The following PELI2 variants were observed in gnomAD, a reference collection of about 807,000 sequenced individuals.
PELI2 encodes E3 ubiquitin-protein ligase pellino homolog 2.
In PELI2, 23 loss-of-function variants were observed where a neutral mutation model predicts 42.3. The ratio of observed to expected loss-of-function variants is 0.54; its 90% CI spans 0.39 to 0.77. PELI2 has a LOEUF of 0.77. Among genes scored for constraint, PELI2 ranks in the 30% least tolerant of loss-of-function variants. The probability of loss-of-function intolerance (pLI) is 0.00; values close to 1 mark genes in which losing one functional copy is unlikely to be tolerated. For synonymous variants in PELI2, 245 were observed against 212.2 expected (o/e 1.15, Z -1.34); for missense variants, 463 against 553.2 (o/e 0.84, Z 1.64).
intron 1 of PELI2, among the ~76,000 whole-genome samples, chr14:56,171,093 G>C (rs3783659): frequency 0.071 from 10,800 of 152,154 alleles, 520 homozygotes; most frequent in East Asian, 0.24. Flanking sequence ...GCAGAATTTT[G>C]TCTTTATGAC....
chr14:56,129,418 T>A (rs555806223), intron 1 of PELI2, among the ~76,000 whole-genome samples: 47 of 152,350 alleles, frequency 3.1e-4, no homozygotes, highest in South Asian at 8.3e-4. Flanking sequence ...GGTTTGATTT[T>A]GAAACTTGTG....
intron 2 of PELI2, among the ~76,000 whole-genome samples, chr14:56,237,680 C>G (rs894672484): frequency 6.7e-6 from 1 of 150,166 alleles, no homozygotes; most frequent in African/African-American, 2.5e-5. Context: ...TTATTTCCCT[C>G]TATTTGATAT....
At position 56,118,414 on chromosome 14, in the gene PELI2, A is replaced by T. The variant is rs541127490; in HGVS notation, c.-247A>T. On this transcript the variant is annotated 5_prime_UTR_variant, in exon 1 of 6. Coordinates refer to ENST00000267460, the MANE Select transcript of PELI2 (RefSeq NM_021255.3). ...GCAGGTCCCCCTGCTGCCGGGTCCC[A>T]TTTGTTGCCGGCTCTGACTCGGGGC... is the stretch of plus-strand genomic sequence containing the variant. 3.3e-5 allele frequency: 9 copies of T among 270,602 alleles called. No homozygotes were observed. The highest frequency in any genetic ancestry group is 5.5e-5 in the Non-Finnish European group (8 of 145,560). 16.8% of individuals were successfully genotyped at this position (270,602 alleles called of 1,614,324 possible).
At chr14:56,245,561 T>C (rs1888121741) in intron 2 of PELI2, among the ~76,000 whole-genome samples, 3 of 151,980 alleles carry the variant, frequency 2.0e-5, no homozygotes, top group Admixed American at 2.0e-4. Flanking sequence ...GGTTGGAGAG[T>C]TGTTATTCTG....
At chr14:56,200,980 A>G (rs1385012873) in intron 2 of PELI2, among the ~76,000 whole-genome samples, 1 of 152,236 alleles carries the variant, frequency 6.6e-6, no homozygotes. Flanking sequence ...TCACACAGTC[A>G]TCTCTAATAT....
intron 2 of PELI2, among the ~76,000 whole-genome samples, chr14:56,267,354 T>C (rs1284295904): frequency 1.3e-5 from 2 of 152,086 alleles, no homozygotes; most frequent in Non-Finnish European, 2.9e-5. Flanking sequence ...GATTAAGAAA[T>C]AGATTCAGGG....
At chr14:56,235,679 A>T (rs1013929348) in intron 2 of PELI2, among the ~76,000 whole-genome samples, 1 of 152,230 alleles carries the variant, frequency 6.6e-6, no homozygotes, top group Non-Finnish European at 1.5e-5. Context: ...CATGGTGTTT[A>T]TGGCAAATCC....
chr14:56,188,069 C>G (rs1273333274), intron 2 of PELI2, among the ~76,000 whole-genome samples: 1 of 152,208 alleles, frequency 6.6e-6, no homozygotes, highest in African/African-American at 2.4e-5. Flanking sequence ...GACGTCTCCC[C>G]TCACTCCCAG....
intron 2 of PELI2, among the ~76,000 whole-genome samples, chr14:56,265,034 A>C (rs1888846008): frequency 6.6e-6 from 1 of 152,204 alleles, no homozygotes; most frequent in South Asian, 2.1e-4. Flanking sequence ...ATGTTCATGG[A>C]TCAGAAAACT....
chr14:56,257,021 G>A (rs917567940), intron 2 of PELI2, among the ~76,000 whole-genome samples: 10 of 152,152 alleles, frequency 6.6e-5, no homozygotes, highest in East Asian at 1.9e-4. Flanking sequence ...GAATTTTAAC[G>A]TTCATCTTTA....
chr14:56,202,505 G>C (rs556903576), intron 2 of PELI2, among the ~76,000 whole-genome samples: 21 of 150,506 alleles, frequency 1.4e-4, no homozygotes, highest in African/African-American at 5.1e-4. Context: ...CTACACTTGA[G>C]CCTGCTCTCC....
At chr14:56,287,366 A>C (rs547171673) in intron 3 of PELI2, among the ~76,000 whole-genome samples, 9 of 152,356 alleles carry the variant, frequency 5.9e-5, no homozygotes, top group African/African-American at 1.9e-4. Context: ...TCTTGTTAAA[A>C]AATGTTTAAC....
At chr14:56,244,490 A>G (rs1174710947) in intron 2 of PELI2, among the ~76,000 whole-genome samples, 1 of 151,940 alleles carries the variant, frequency 6.6e-6, no homozygotes, top group Non-Finnish European at 1.5e-5. Context: ...GCTTCAGGAG[A>G]GATTCTTTTT....
chr14:56,182,209 G>A (rs1594616948), intron 2 of PELI2, among the ~76,000 whole-genome samples: 1 of 152,306 alleles, frequency 6.6e-6, no homozygotes, highest in South Asian at 2.1e-4. Context: ...AGAGGAGAGA[G>A]GAGTTGACCA....
At chr14:56,166,517 T>A (rs1336126607) in intron 1 of PELI2, among the ~76,000 whole-genome samples, 3 of 152,248 alleles carry the variant, frequency 2.0e-5, no homozygotes, top group Non-Finnish European at 2.9e-5. Context: ...TTCTTTCTGA[T>A]TGAAGTACTC....
chr14:56,232,340 C>T (rs1243355136), intron 2 of PELI2, among the ~76,000 whole-genome samples: 1 of 152,116 alleles, frequency 6.6e-6, no homozygotes, highest in Non-Finnish European at 1.5e-5. Flanking sequence ...CCCTGATGAA[C>T]ATTGATGCAA....
intron 2 of PELI2, among the ~76,000 whole-genome samples, chr14:56,237,256 A>G (rs12434882): frequency 0.4 from 61,315 of 152,076 alleles, 13,089 homozygotes; most frequent in South Asian, 0.53. Flanking sequence ...AACGCCCAGA[A>G]ATGGAAATCC....
intron 2 of PELI2, among the ~76,000 whole-genome samples, chr14:56,232,765 C>T (rs12589206): frequency 0.15 from 13,125 of 86,626 alleles, 1,465 homozygotes; most frequent in Middle Eastern, 0.2. Context: ...CCAGGGCAGT[C>T]AGGCAGGAGA....
At chr14:56,236,039 C>A (rs1216602054) in intron 2 of PELI2, among the ~76,000 whole-genome samples, 3 of 152,180 alleles carry the variant, frequency 2.0e-5, no homozygotes, top group South Asian at 4.1e-4. Context: ...CCTCCCTCCC[C>A]ACTATTACTT....
Sources: gnomAD v4.1 joint callset for allele counts (sites outside exome capture counted in the v4.1 genomes callset) on GRCh38, gnomAD v4.1.1 for gene constraint, MANE v1.5 for transcripts, NCBI Gene and HGNC (gene_info 2026-07-23, HGNC 2026-07-21) for gene names.